Variants in WWOX observed in about 807,000 individuals in gnomAD.
The protein encoded by WWOX is WW domain-containing oxidoreductase.
A neutral mutation model predicts 46.2 loss-of-function variants in WWOX; 69 were observed. That is an observed-to-expected ratio of 1.49 (90% CI 1.23 to 1.82). WWOX has a LOEUF of 1.82. Among genes scored for constraint, WWOX ranks in the 40% most tolerant of loss-of-function variants. WWOX has a pLI of 0.00. For synonymous variants in WWOX, 359 were observed against 202.6 expected (o/e 1.77, Z -6.56); for missense variants, 919 against 542.6 (o/e 1.69, Z -6.89).
At chr16:78,885,979 C>T (rs561125692) in intron 8 of WWOX, among the ~76,000 whole-genome samples, 81 of 145,092 alleles carry the variant, frequency 5.6e-4, no homozygotes, top group Middle Eastern at 4.1e-3. Context: ...GGCTGGAGTG[C>T]AGTAGCACCA....
At chr16:78,404,636 C>T (rs922624575) in intron 6 of WWOX, among the ~76,000 whole-genome samples, 7 of 152,156 alleles carry the variant, frequency 4.6e-5, no homozygotes, top group African/African-American at 9.7e-5. Flanking sequence ...ATTTGTCAGA[C>T]GAACAAATGG....
intron 8 of WWOX, among the ~76,000 whole-genome samples, chr16:79,150,420 A>G (rs1388440210): frequency 6.6e-6 from 1 of 152,214 alleles, no homozygotes; most frequent in East Asian, 1.9e-4. Flanking sequence ...CCAGGTAGGT[A>G]GAATAAAGGA....
intron 6 of WWOX, among the ~76,000 whole-genome samples, chr16:78,421,533 G>C (rs1567562479): frequency 6.6e-6 from 1 of 152,054 alleles, no homozygotes; most frequent in African/African-American, 2.4e-5. Context: ...TCCAAATAAG[G>C]TCGCATTCAC....
chr16:78,759,458 G>C (rs1175857055), intron 8 of WWOX, among the ~76,000 whole-genome samples: 1 of 152,154 alleles, frequency 6.6e-6, no homozygotes. Context: ...AAGCCAGTGA[G>C]GATTTTGGTG....
At chr16:78,832,801 T>G (rs1034262906) in intron 8 of WWOX, among the ~76,000 whole-genome samples, 27 of 152,172 alleles carry the variant, frequency 1.8e-4, no homozygotes, top group African/African-American at 3.1e-4. Flanking sequence ...ACCTTGAGCT[T>G]CTTCTGTGAT....
rs55814418 is a variant in WWOX at position 78,816,502 on chromosome 16, C to CTTTTTTTT, written c.1056+383773_1056+383780dup. On this transcript the variant is annotated intron_variant, in intron 8 of 8. Coordinates refer to ENST00000566780, the MANE Select transcript of WWOX (RefSeq NM_016373.4). ...ATCTACCAGACAAGAAGGAGCCACT[C>CTTTTTTTT]TTTTTTTTTTTTTTTTTTTTTTTTT... Among the ~76,000 whole-genome samples, 295 of 42,104 alleles carry CTTTTTTTT rather than the reference C, an allele frequency of 7.0e-3. 37 individuals carry two copies. Among genetic ancestry groups the CTTTTTTTT allele is most frequent in the Middle Eastern group, 0.023 (1 of 44 alleles). The allele number at this position is 42,104 out of a possible 152,430, so 27.6% of individuals were successfully genotyped here.
chr16:78,821,939 G>A (rs918646046), intron 8 of WWOX, among the ~76,000 whole-genome samples: 3 of 152,086 alleles, frequency 2.0e-5, no homozygotes, highest in African/African-American at 7.2e-5. Context: ...GAGTGCTGTG[G>A]CATCTTAGCT....
At chr16:78,547,736 G>C (rs1187427597) in intron 8 of WWOX, among the ~76,000 whole-genome samples, 4 of 152,084 alleles carry the variant, frequency 2.6e-5, no homozygotes, top group Non-Finnish European at 4.4e-5. Context: ...TATCGTGGGA[G>C]GGGCAAAGGG....
intron 8 of WWOX, among the ~76,000 whole-genome samples, chr16:78,951,237 T>A (rs1201160253): frequency 6.6e-6 from 1 of 152,234 alleles, no homozygotes; most frequent in East Asian, 1.9e-4. Flanking sequence ...ATCTCTCAGC[T>A]GTACTTCCAT....
At chr16:78,195,712 G>T (rs914100773) in intron 5 of WWOX, among the ~76,000 whole-genome samples, 1 of 150,496 alleles carries the variant, frequency 6.6e-6, no homozygotes, top group South Asian at 2.1e-4. Flanking sequence ...ATCCCAGCTA[G>T]TTGGGAGGCT....
At chr16:79,172,096 C>T (rs978510308) in intron 8 of WWOX, among the ~76,000 whole-genome samples, 1 of 152,184 alleles carries the variant, frequency 6.6e-6, no homozygotes, top group Non-Finnish European at 1.5e-5. Context: ...TGTCCTCTGT[C>T]ACCATGTAGC....
chr16:78,623,036 G>C (rs886502518), intron 8 of WWOX, among the ~76,000 whole-genome samples: 1 of 151,974 alleles, frequency 6.6e-6, no homozygotes, highest in Non-Finnish European at 1.5e-5. Context: ...AAGGAAATGA[G>C]TTCTGCTAGC....
chr16:78,871,519 C>G (rs1284621775), intron 8 of WWOX, among the ~76,000 whole-genome samples: 1 of 152,148 alleles, frequency 6.6e-6, no homozygotes. Context: ...ACAAGATCTC[C>G]AAGGAAGCAG....
intron 8 of WWOX, among the ~76,000 whole-genome samples, chr16:78,913,341 G>A (rs1380191901): frequency 5.3e-5 from 8 of 151,974 alleles, no homozygotes; most frequent in Admixed American, 5.2e-4. Flanking sequence ...CTGCCTGTTA[G>A]GTGCAGCCAT....
At chr16:78,965,464 G>T (rs1350675721) in intron 8 of WWOX, among the ~76,000 whole-genome samples, 4 of 152,004 alleles carry the variant, frequency 2.6e-5, no homozygotes, top group Non-Finnish European at 5.9e-5. Context: ...CAGCTACTTG[G>T]GAGGCTGAGG....
At chr16:78,646,438 T>C (rs951547233) in intron 8 of WWOX, among the ~76,000 whole-genome samples, 1 of 152,122 alleles carries the variant, frequency 6.6e-6, no homozygotes, top group African/African-American at 2.4e-5. Flanking sequence ...TATTTTAATT[T>C]TTTTTTTGAG....
chr16:78,208,443 C>G (rs2036462049), intron 5 of WWOX, among the ~76,000 whole-genome samples: 1 of 152,100 alleles, frequency 6.6e-6, no homozygotes, highest in Admixed American at 6.5e-5. Context: ...AGTCACGACC[C>G]TTAGGACTAG....
rs146051589 is a variant in WWOX, at chr16:78,378,077, C to T, written c.517-8783C>T. ...TGATTTGAAGGTTAGGAATGGCAAA[C>T]TCAGCCTCTGTTCTTCAAGAATCCC... On this transcript the variant is annotated intron_variant, in intron 5 of 8. Transcript: ENST00000566780. 2.2e-3 allele frequency among the ~76,000 whole-genome samples: 342 copies of T among 152,190 alleles called. 1 individual carries two copies. The highest frequency in any genetic ancestry group is 7.8e-3 in the African/African-American group (322 of 41,522).
At chr16:78,739,513 G>C (rs1436916022) in intron 8 of WWOX, among the ~76,000 whole-genome samples, 3 of 152,110 alleles carry the variant, frequency 2.0e-5, no homozygotes, top group Non-Finnish European at 4.4e-5. Context: ...GCTGGGCTGA[G>C]TGTAAAGAAA....
Sources: gnomAD v4.1 joint callset for allele counts (sites outside exome capture counted in the v4.1 genomes callset) on GRCh38, gnomAD v4.1.1 for gene constraint, MANE v1.5 for transcripts, NCBI Gene and HGNC (gene_info 2026-07-23, HGNC 2026-07-21) for gene names.